Variants in SPATA13 observed in about 807,000 individuals in gnomAD.
SPATA13 encodes spermatogenesis associated 13.
Under a neutral mutation model 104.0 loss-of-function variants are expected in SPATA13, and 50 were observed. The observed-to-expected ratio is 0.48, with a 90% CI of 0.38 to 0.61. The LOEUF is 0.61. Ranked by LOEUF, SPATA13 falls within the 20% of genes least tolerant of loss-of-function variation. The pLI, the probability that SPATA13 is intolerant of heterozygous loss-of-function variation, is 0.00. For synonymous variants in SPATA13, 606 were observed against 667.5 expected, an observed-to-expected ratio of 0.91 and a Z score of 1.42; for missense variants, 1,524 against 1,690.6, an observed-to-expected ratio of 0.90 and a Z score of 1.73.
At chr13:24,105,444 C>CTTTT (rs764465032) in intron 3 of SPATA13, among the ~76,000 whole-genome samples, 1 of 143,110 alleles carries the variant, frequency 7.0e-6, no homozygotes. Context: ...TGACTTCTTA[C>CTTTT]TTTTTTTTTT....
intron 2 of SPATA13, among the ~76,000 whole-genome samples, chr13:23,996,465 C>G (rs1383923087): frequency 2.6e-5 from 4 of 152,120 alleles, no homozygotes; most frequent in Non-Finnish European, 5.9e-5. Context: ...AGTGACTGAA[C>G]TGGGGCTGTC....
intron 1 of SPATA13, among the ~76,000 whole-genome samples, chr13:24,171,079 A>G (rs534954840): frequency 1.3e-5 from 2 of 151,972 alleles, no homozygotes; most frequent in South Asian, 4.2e-4. Flanking sequence ...AAGGAAGACA[A>G]TTTGCATGGA....
chr13:24,068,396 A>G (rs1213090684), intron 3 of SPATA13, among the ~76,000 whole-genome samples: 1 of 152,144 alleles, frequency 6.6e-6, no homozygotes, highest in Non-Finnish European at 1.5e-5. Context: ...GTCTAGGTTG[A>G]TTCCATGTCT....
intron 3 of SPATA13, among the ~76,000 whole-genome samples, chr13:24,139,838 A>G (rs901888245): frequency 6.6e-6 from 1 of 152,078 alleles, no homozygotes; most frequent in Admixed American, 6.5e-5. Flanking sequence ...GAGGCCAAGG[A>G]GGGCGGATAA....
intron 2 of SPATA13, among the ~76,000 whole-genome samples, chr13:24,014,154 G>A (rs1273404680): frequency 6.6e-6 from 1 of 152,188 alleles, no homozygotes; most frequent in South Asian, 2.1e-4. Flanking sequence ...GCCAGGGAAG[G>A]TCGGGGCCCA....
At chr13:24,099,457 C>T (rs1340140671) in intron 3 of SPATA13, among the ~76,000 whole-genome samples, 4 of 152,238 alleles carry the variant, frequency 2.6e-5, no homozygotes, top group East Asian at 3.8e-4. Flanking sequence ...TCAGTGGCCA[C>T]GCACACTAGT....
chr13:24,038,183 G>A (rs1369551065), intron 3 of SPATA13, among the ~76,000 whole-genome samples: 1 of 152,202 alleles, frequency 6.6e-6, no homozygotes. Context: ...AAAGTGCTGG[G>A]ATTACAGGCA....
chr13:24,251,837 C>T lies in SPATA13; in HGVS notation c.2139C>T (p.Arg713=), dbSNP rs1873505011. 1.2e-6 allele frequency: 2 copies of T among 1,613,928 alleles called. No homozygotes were observed. The highest frequency in any genetic ancestry group is 1.7e-6 in the Non-Finnish European group (2 of 1,179,900). The change falls in exon 4 of 13, where the codon CGC becomes CGT. Residue 713 remains arginine (R), a synonymous_variant. Transcript: ENST00000382108. ...CCATTGGGTTGGACCGTGTGGGACG[C>T]CGGCGGCAGATGAGAGCATCCAACG... ...STPIGLDRVG[R]RRQMRASNVS...
intron 3 of SPATA13, among the ~76,000 whole-genome samples, chr13:24,019,758 C>T (rs1409902317): frequency 6.6e-6 from 1 of 152,104 alleles, no homozygotes; most frequent in Non-Finnish European, 1.5e-5. Context: ...TCCTAGGCAG[C>T]TTAGGGCTCT....
chr13:24,281,019 A>G (rs1875468364), intron 4 of SPATA13, among the ~76,000 whole-genome samples: 1 of 152,156 alleles, frequency 6.6e-6, no homozygotes, highest in Non-Finnish European at 1.5e-5. Context: ...CCAGACAGAC[A>G]TGGGTACACA....
chr13:24,079,279 C>T (rs144760113), intron 3 of SPATA13, among the ~76,000 whole-genome samples: 39 of 152,246 alleles, frequency 2.6e-4, no homozygotes, highest in East Asian at 1.4e-3. Flanking sequence ...GGGCCTTGTC[C>T]GCTACGGTGC....
rs144198333 is a variant in SPATA13 at position 23,992,893 on chromosome 13, T to A, written c.-147+8960T>A. ...TGTGTAAAGTGCTTCTAACAGTGCCTGGCACGGCAAGAGCTAAGAAGTGTC... is the reference window on the plus strand; with the variant it reads ...TGTGTAAAGTGCTTCTAACAGTGCCAGGCACGGCAAGAGCTAAGAAGTGTC... On this transcript the variant is annotated intron_variant, in intron 2 of 14. Transcript: ENST00000424834. Among the ~76,000 whole-genome samples, 240 of 152,360 alleles carry A rather than the reference T, an allele frequency of 1.6e-3. 2 individuals carry two copies. The highest frequency in any genetic ancestry group is 3.4e-3 in the Middle Eastern group (1 of 294).
intron 3 of SPATA13, among the ~76,000 whole-genome samples, chr13:24,039,167 A>G (rs1877823469): frequency 6.6e-6 from 1 of 152,224 alleles, no homozygotes. Flanking sequence ...CAATGAATAA[A>G]ACGTTCATGG....
chr13:24,271,059 A>ACTCTCTCTCTCTCTCTCT (rs941130113), intron 4 of SPATA13: 1 of 575,372 alleles, frequency 1.7e-6, no homozygotes, highest in African/African-American at 2.5e-5. Context: ...TCTCTCTCTC[A>ACTCTCTCTCTCTCTCTCT]CTCTCTCTCT....
chr13:24,286,504 C>T lies in SPATA13; in HGVS notation c.2481+111C>T. 1.7e-6 allele frequency: 2 copies of T among 1,168,982 alleles called. No homozygotes were observed. The highest frequency in any genetic ancestry group is 2.4e-6 in the Non-Finnish European group (2 of 840,218). 72.4% of individuals were successfully genotyped at this position (1,168,982 alleles called of 1,614,324 possible). On this transcript the variant is annotated intron_variant, in intron 6 of 12. Transcript: ENST00000382108. This position sits in a 1 kb window ranked among gnomAD's most constrained non-coding sequence, Gnocchi z 4.9. ...CAGCTCTTTTGTAATTGATATCTGA[C>T]ATGCAAGTCACACCTGTAAGAAATT...
chr13:24,175,844 G>A (rs1868404742), intron 1 of SPATA13, among the ~76,000 whole-genome samples: 1 of 152,166 alleles, frequency 6.6e-6, no homozygotes, highest in Non-Finnish European at 1.5e-5. Flanking sequence ...AAATCCCAGT[G>A]GCTTCTATGC....
intron 2 of SPATA13, among the ~76,000 whole-genome samples, chr13:23,985,858 G>A (rs987289568): frequency 6.6e-6 from 1 of 152,194 alleles, no homozygotes; most frequent in African/African-American, 2.4e-5. Context: ...CTGAAGAGAG[G>A]ACAACAGCCA....
chr13:24,122,692 CTG>C (rs1881076124), intron 3 of SPATA13: 4 of 979,842 alleles, frequency 4.1e-6, no homozygotes, highest in Non-Finnish European at 6.6e-6. Flanking sequence ...TCTGTATCAA[CTG>C]TTACATAATT....
upstream of SPATA13, among the ~76,000 whole-genome samples, chr13:24,159,859 TA>T (rs1323800937): frequency 6.6e-6 from 1 of 152,234 alleles, no homozygotes; most frequent in Non-Finnish European, 1.5e-5. Context: ...ATGAATCATC[TA>T]AAAAACTACA....
Sources: gnomAD v4.1 joint callset for allele counts (sites outside exome capture counted in the v4.1 genomes callset) on GRCh38, gnomAD v4.1.1 for gene constraint, Gnocchi (gnomAD v3.1) non-coding constraint, MANE v1.5 for transcripts, NCBI Gene and HGNC (gene_info 2026-07-23, HGNC 2026-07-21) for gene names.